ZFP64: variants seen among roughly 807,000 people sequenced by gnomAD.
ZFP64 encodes the protein zinc finger protein 64.
ZFP64 carries 14 observed loss-of-function variants against 51.6 expected under a neutral mutation model. The observed-to-expected ratio is 0.27, with a 90% CI of 0.18 to 0.42. The LOEUF is 0.42. Ranked by LOEUF, ZFP64 falls within the 10% of genes least tolerant of loss-of-function variation. The pLI, the probability that ZFP64 is intolerant of heterozygous loss-of-function variation, is 1.00. For missense variants in ZFP64, 754 were observed against 906.8 expected, an observed-to-expected ratio of 0.83 and a Z score of 2.16; for synonymous variants, 375 against 361.4, an observed-to-expected ratio of 1.04 and a Z score of -0.43.
exon 9 of ZFP64, chr20:52,084,934 G>A (rs1181557036): frequency 6.2e-7 from 1 of 1,613,726 alleles, no homozygotes; most frequent in Non-Finnish European, 8.5e-7. Context: ...TTGAAGGGAC[G>A]GTCCTTACAG....
chr20:52,176,549 C>CCGGACTG (rs1329692173), intron 2 of ZFP64, among the ~76,000 whole-genome samples: 2 of 148,676 alleles, frequency 1.3e-5, no homozygotes, highest in Non-Finnish European at 3.0e-5. Flanking sequence ...GTCGCCCAGG[C>CCGGACTG]CGGACTGCGG....
At chr20:52,094,588 G>A (rs535115400) in intron 7 of ZFP64, among the ~76,000 whole-genome samples, 13 of 152,124 alleles carry the variant, frequency 8.5e-5, no homozygotes, top group South Asian at 4.1e-4. Context: ...GTGAGACCTC[G>A]TCACTACAAA....
chr20:52,175,157 C>T (rs1983082737), intron 2 of ZFP64, among the ~76,000 whole-genome samples: 1 of 152,194 alleles, frequency 6.6e-6, no homozygotes, highest in South Asian at 2.1e-4. Context: ...GGGTCTGGCT[C>T]TATCTCCCAG....
intron 2 of ZFP64, among the ~76,000 whole-genome samples, chr20:52,185,995 T>G (rs184088225): frequency 1.3e-5 from 2 of 152,234 alleles, no homozygotes; most frequent in Non-Finnish European, 2.9e-5. Flanking sequence ...TGTCTTTAGA[T>G]TTTGCATTTT....
At chr20:52,088,730 G>C in intron 7 of ZFP64, 1 of 1,555,920 alleles carries the variant, frequency 6.4e-7, no homozygotes, top group South Asian at 1.1e-5. Context: ...TGGGCATATG[G>C]GTGTGCCGCC....
At chr20:52,115,220 C>T (rs7272610) in intron 5 of ZFP64, among the ~76,000 whole-genome samples, 23,697 of 132,906 alleles carry the variant, frequency 0.18, 2,119 homozygotes, top group Non-Finnish European at 0.21. Context: ...AAAAAAGAAA[C>T]ACCAGGCTGG....
chr20:52,152,875 C>A lies in ZFP64; in HGVS notation c.1317G>T (p.Ser439=), dbSNP rs757269179. The change falls in exon 6 of 6, where the codon TCG becomes TCT. Residue 439 remains serine (S), a synonymous_variant. Coordinates refer to ENST00000216923, the MANE Select transcript of ZFP64 (RefSeq NM_018197.3). ...ICDASFMRED[S]LRSHKRQHSE... ...TGTGCTGTCTCTTGTGGCTGCGGAG[C>A]GAGTCCTCCCGCATGAAGGAGGCAT... 7 of 1,614,112 alleles carry A rather than the reference C, an allele frequency of 4.3e-6. No homozygotes were observed. Among genetic ancestry groups the A allele is most frequent in the Non-Finnish European group, 5.9e-6 (7 of 1,180,038 alleles).
At chr20:52,187,145 T>C (rs1286689591) in intron 1 of ZFP64, 74 bp from the exon 2 acceptor site, 2 of 1,503,284 alleles carry the variant, frequency 1.3e-6, no homozygotes, top group Non-Finnish European at 1.8e-6. Flanking sequence ...AGATTCATGG[T>C]AGGAAGAAAA....
chr20:52,105,367 C>G, intron 5 of ZFP64: 1 of 1,240,448 alleles, frequency 8.1e-7, no homozygotes, highest in Non-Finnish European at 1.0e-6. Flanking sequence ...ATCAGCCGAG[C>G]AGGGCGATTT....
At chr20:52,174,301 C>A (rs906118028) in intron 2 of ZFP64, among the ~76,000 whole-genome samples, 18 of 152,090 alleles carry the variant, frequency 1.2e-4, no homozygotes, top group Non-Finnish European at 2.2e-4. Flanking sequence ...GCCTGGCCAA[C>A]ATGGCAAAAC....
chr20:52,180,433 G>A (rs1342707425), intron 2 of ZFP64, among the ~76,000 whole-genome samples: 3 of 150,886 alleles, frequency 2.0e-5, no homozygotes, highest in Admixed American at 1.3e-4. Flanking sequence ...ACATGCTAGC[G>A]GAGAAAACAG....
chr20:52,173,898 C>T (rs1031808299), intron 2 of ZFP64, among the ~76,000 whole-genome samples: 5 of 152,132 alleles, frequency 3.3e-5, no homozygotes, highest in African/African-American at 4.8e-5. Flanking sequence ...AATCTCCCTG[C>T]CTTGATCTCC....
At chr20:52,178,521 C>T (rs569257196) in intron 2 of ZFP64, among the ~76,000 whole-genome samples, 106 of 152,280 alleles carry the variant, frequency 7.0e-4, no homozygotes, top group African/African-American at 2.6e-3. Flanking sequence ...TTCTGGCAAT[C>T]ACCACATAGT....
exon 9 of ZFP64, chr20:52,084,379 C>T (rs906299335): frequency 1.6e-6 from 1 of 620,270 alleles, no homozygotes; most frequent in African/African-American, 1.8e-5. Context: ...CTCCACAGCC[C>T]TGCTTTGCTT....
rs148573377 is a variant in ZFP64 at position 52,173,381 on chromosome 20, G to C, written c.287-7356C>G. On this transcript the variant is annotated intron_variant, in intron 2 of 5. Transcript: ENST00000216923. ...GCAGGATGATCACTTGAGACCAGGA[G>C]TTTGAGACCAGCCTGAGCAACACAG... Among the ~76,000 whole-genome samples the C allele has an allele frequency of 3.7e-3, 566 of 152,294 alleles. 5 individuals are homozygous for C. Among genetic ancestry groups the C allele is most frequent in the African/African-American group, 0.013 (546 of 41,558 alleles).
chr20:52,128,671 C>T (rs1979561196), intron 5 of ZFP64, among the ~76,000 whole-genome samples: 1 of 152,142 alleles, frequency 6.6e-6, no homozygotes, highest in Non-Finnish European at 1.5e-5. Context: ...TGCTGCACTC[C>T]ACCACTGGAG....
At chr20:52,147,520 G>A (rs1297312447), downstream of ZFP64, among the ~76,000 whole-genome samples, 5 of 152,080 alleles carry the variant, frequency 3.3e-5, no homozygotes, top group Non-Finnish European at 7.4e-5. Context: ...TAAAGGAAGA[G>A]ATGAAACAAT....
Position 52,153,175 on chromosome 20 carries a change from C to T in ZFP64, c.1017G>A (p.Ser339=), listed in dbSNP as rs1391522291. 20 of 1,614,052 alleles carry T rather than the reference C, an allele frequency of 1.2e-5. No individual in the cohort carries two copies. The highest frequency in any genetic ancestry group is 2.2e-5 in the South Asian group (2 of 91,084). ...ATTCCGAGCACTTCTCAGGATGCTC[C>T]GACTGGTGCACGCGGCTGTGCTTCC... The part of the protein sequence containing the change: ...TLRKHSRVHQ[S]EHPEKCSECS... Residue 339 remains serine, a synonymous_variant, in exon 6 of 6, where the codon TCG becomes TCA. Transcript: ENST00000216923. The surrounding 1 kb of genome is among the most constrained non-coding windows in gnomAD (Gnocchi z 5.1).
intron 5 of ZFP64, among the ~76,000 whole-genome samples, chr20:52,154,875 C>T (rs1436272120): frequency 6.6e-6 from 1 of 152,112 alleles, no homozygotes; most frequent in Non-Finnish European, 1.5e-5. Context: ...TACTGCATGG[C>T]CCACAAAACC....
Sources: allele counts gnomAD v4.1 joint callset (sites outside exome capture counted in the v4.1 genomes callset), GRCh38; gene constraint gnomAD v4.1.1; non-coding constraint Gnocchi (gnomAD v3.1); transcripts MANE v1.5; gene names NCBI Gene and HGNC (gene_info 2026-07-23, HGNC 2026-07-21).